Variants in GRM3 observed in about 807,000 individuals in gnomAD.
GRM3 encodes the protein metabotropic glutamate receptor 3.
GRM3 carries 26 observed loss-of-function variants against 70.5 expected under a neutral mutation model. That is an observed-to-expected ratio of 0.37 (90% CI 0.27 to 0.51). GRM3 has a LOEUF of 0.51. Among genes scored for constraint, GRM3 ranks in the 20% least tolerant of loss-of-function variants. The pLI, the probability that GRM3 is intolerant of heterozygous loss-of-function variation, is 0.93. For synonymous variants in GRM3, 443 were observed against 434.9 expected, an observed-to-expected ratio of 1.02 and a Z score of -0.23; for missense variants, 859 against 1,123.8, an observed-to-expected ratio of 0.76 and a Z score of 3.37.
intron 1 of GRM3, among the ~76,000 whole-genome samples, chr7:86,655,500 A>G (rs1194530412): frequency 6.6e-6 from 1 of 152,012 alleles, no homozygotes; most frequent in African/African-American, 2.4e-5. Context: ...ACATTTGTGT[A>G]ATAAAACAAC....
chr7:86,736,083 G>T (rs1394170327), intron 1 of GRM3, among the ~76,000 whole-genome samples: 1 of 152,182 alleles, frequency 6.6e-6, no homozygotes, highest in Non-Finnish European at 1.5e-5. Flanking sequence ...GTGCTGAGCT[G>T]AATTGTGCTT....
chr7:86,782,818 G>A (rs1797109712), intron 2 of GRM3, among the ~76,000 whole-genome samples: 1 of 152,050 alleles, frequency 6.6e-6, no homozygotes, highest in African/African-American at 2.4e-5. Flanking sequence ...TAGTCCTCCT[G>A]TATTCCATTT....
chr7:86,660,371 C>T (rs540223797), intron 1 of GRM3, among the ~76,000 whole-genome samples: 1 of 151,944 alleles, frequency 6.6e-6, no homozygotes, highest in Non-Finnish European at 1.5e-5. Flanking sequence ...GTAATGTAAA[C>T]TCAATATCTA....
chr7:86,844,466 A>G (rs1798616111), intron 4 of GRM3, among the ~76,000 whole-genome samples: 1 of 152,208 alleles, frequency 6.6e-6, no homozygotes, highest in South Asian at 2.1e-4. Flanking sequence ...AGGACTTTAT[A>G]AGCCATAGCA....
At chr7:86,824,644 T>C (rs1306355748) in intron 3 of GRM3, among the ~76,000 whole-genome samples, 1 of 152,216 alleles carries the variant, frequency 6.6e-6, no homozygotes, top group East Asian at 1.9e-4. Context: ...TAGTTGGATA[T>C]GTGATTACCA....
At chr7:86,658,766 T>TA (rs1044884376) in intron 1 of GRM3, among the ~76,000 whole-genome samples, 15 of 152,222 alleles carry the variant, frequency 9.9e-5, no homozygotes, top group Non-Finnish European at 1.9e-4. Flanking sequence ...TATTGTGTTT[T>TA]ATATTCCTTT....
intron 1 of GRM3, among the ~76,000 whole-genome samples, chr7:86,719,351 T>C (rs1350098819): frequency 6.6e-6 from 1 of 152,006 alleles, no homozygotes; most frequent in Non-Finnish European, 1.5e-5. Context: ...TACATCTATT[T>C]AGCAAAATTT....
At position 86,686,847 on chromosome 7, in the gene GRM3, T is replaced by C. The variant is rs1427007961; in HGVS notation, c.-141+41975T>C. Among the ~76,000 whole-genome samples, 3 of 152,074 alleles carry C rather than the reference T, an allele frequency of 2.0e-5. No individual in the cohort carries two copies. In the South Asian group the frequency reaches 6.2e-4, roughly 31 times the overall value. Reference sequence around the variant, plus strand: ...TAAAATTATAAAATATATTTTTAAATAGCAATGATTAATATATTCAAATGG... The same window carrying C: ...TAAAATTATAAAATATATTTTTAAACAGCAATGATTAATATATTCAAATGG... On this transcript the variant is annotated intron_variant, in intron 1 of 5. Transcript: ENST00000361669.
chr7:86,668,362 G>T (rs1161162141), intron 1 of GRM3, among the ~76,000 whole-genome samples: 3 of 151,756 alleles, frequency 2.0e-5, no homozygotes, highest in African/African-American at 7.3e-5. Flanking sequence ...TCACTCACTT[G>T]CAGGCTAAAT....
chr7:86,719,103 G>T (rs1407861303), intron 1 of GRM3, among the ~76,000 whole-genome samples: 1 of 151,790 alleles, frequency 6.6e-6, no homozygotes, highest in Non-Finnish European at 1.5e-5. Flanking sequence ...ATATAAAGAA[G>T]GTTCTGATCC....
At chr7:86,713,535 C>A (rs1045910443) in intron 1 of GRM3, among the ~76,000 whole-genome samples, 3 of 152,030 alleles carry the variant, frequency 2.0e-5, no homozygotes, top group Admixed American at 2.0e-4. Flanking sequence ...ATGTTATTGT[C>A]TCAGTCTGAC....
At chr7:86,697,600 G>C (rs548487758) in intron 1 of GRM3, among the ~76,000 whole-genome samples, 1 of 152,066 alleles carries the variant, frequency 6.6e-6, no homozygotes, top group African/African-American at 2.4e-5. Flanking sequence ...AATTTCAAAA[G>C]GAAGGTAATT....
At chr7:86,665,720 A>T (rs1794008198) in intron 1 of GRM3, among the ~76,000 whole-genome samples, 1 of 152,092 alleles carries the variant, frequency 6.6e-6, no homozygotes. Context: ...AAAGTAAGAA[A>T]ATGAGAATTT....
chr7:86,783,741 A>G (rs189712278), intron 2 of GRM3, among the ~76,000 whole-genome samples: 1 of 152,338 alleles, frequency 6.6e-6, no homozygotes, highest in Admixed American at 6.5e-5. Flanking sequence ...TTTTAAAAGG[A>G]GCAGCTCACT....
chr7:86,694,379 G>A (rs1794762581), intron 1 of GRM3, among the ~76,000 whole-genome samples: 1 of 151,872 alleles, frequency 6.6e-6, no homozygotes, highest in Non-Finnish European at 1.5e-5. Flanking sequence ...GGGCTTGGTG[G>A]TGGGTGCCTG....
Position 86,817,541 on chromosome 7 carries a change from G to T in GRM3, c.1325-21298G>T, listed in dbSNP as rs562159167. Reference sequence around the variant, plus strand: ...TGAATGCTATTCAATGAGCTGTTTAGGGCTAGCTTTTGATCATTTTTCATG... The same window carrying T: ...TGAATGCTATTCAATGAGCTGTTTATGGCTAGCTTTTGATCATTTTTCATG... On this transcript the variant is annotated intron_variant, in intron 3 of 5. Transcript: ENST00000361669. 2.6e-5 allele frequency among the ~76,000 whole-genome samples: 4 copies of T among 151,812 alleles called. No homozygotes were observed. In the Admixed American group the frequency reaches 2.6e-4, roughly 10 times the overall value.
At chr7:86,852,601 C>CT (rs200833128) in intron 5 of GRM3, among the ~76,000 whole-genome samples, 15 of 152,040 alleles carry the variant, frequency 9.9e-5, no homozygotes, top group Non-Finnish European at 1.5e-4. Flanking sequence ...TATAAATAAA[C>CT]TTTTTTTTAA....
At chr7:86,791,448 T>A (rs1797415860) in intron 3 of GRM3, among the ~76,000 whole-genome samples, 1 of 151,952 alleles carries the variant, frequency 6.6e-6, no homozygotes, top group African/African-American at 2.4e-5. Flanking sequence ...TGTAACCAAA[T>A]ATCATTAAAG....
intron 1 of GRM3, among the ~76,000 whole-genome samples, chr7:86,738,766 A>AT (rs1266504770): frequency 6.6e-6 from 1 of 152,202 alleles, no homozygotes; most frequent in African/African-American, 2.4e-5. Flanking sequence ...AACCCAAGTA[A>AT]TTATTTTTAA....
Sources: gnomAD v4.1 joint callset for allele counts (sites outside exome capture counted in the v4.1 genomes callset) on GRCh38, gnomAD v4.1.1 for gene constraint, MANE v1.5 for transcripts, NCBI Gene and HGNC (gene_info 2026-07-23, HGNC 2026-07-21) for gene names.